Variants in RAPGEF5 observed in about 807,000 individuals in gnomAD.
RAPGEF5 encodes the protein M-Ras-regulated GEF.
RAPGEF5 carries 65 observed loss-of-function variants against 125.2 expected under a neutral mutation model. The ratio of observed to expected loss-of-function variants is 0.52; its 90% CI spans 0.43 to 0.64. The LOEUF is 0.64. Ranked by LOEUF, RAPGEF5 falls within the 30% of genes least tolerant of loss-of-function variation. The probability of loss-of-function intolerance (pLI) is 0.00; values close to 1 mark genes in which losing one functional copy is unlikely to be tolerated. For missense variants in RAPGEF5, 958 were observed against 1,048.1 expected, an observed-to-expected ratio of 0.91 and a Z score of 1.19; for synonymous variants, 391 against 385.9, an observed-to-expected ratio of 1.01 and a Z score of -0.16.
intron 1 of RAPGEF5, among the ~76,000 whole-genome samples, chr7:22,343,992 A>C (rs1016027939): frequency 2.0e-5 from 3 of 152,164 alleles, no homozygotes; most frequent in African/African-American, 7.2e-5. Context: ...TCCGATTCCA[A>C]ACCCTAGCCA....
chr7:22,200,788 A>G (rs1046623661), intron 9 of RAPGEF5, among the ~76,000 whole-genome samples: 1 of 152,186 alleles, frequency 6.6e-6, no homozygotes, highest in African/African-American at 2.4e-5. Flanking sequence ...TAACCCTAAA[A>G]CCAGAGCAAG....
At chr7:22,153,792 C>T (rs1294484122) in intron 17 of RAPGEF5, among the ~76,000 whole-genome samples, 1 of 152,016 alleles carries the variant, frequency 6.6e-6, no homozygotes, top group African/African-American at 2.4e-5. Flanking sequence ...AGATTGCAAA[C>T]CAAAAAAGGA....
intron 6 of RAPGEF5, among the ~76,000 whole-genome samples, chr7:22,274,231 C>A (rs1782505964): frequency 6.6e-6 from 1 of 152,182 alleles, no homozygotes; most frequent in African/African-American, 2.4e-5. Flanking sequence ...ATTTGCATTT[C>A]CAGCCCATAT....
At chr7:22,260,545 A>AG (rs1246411441) in intron 7 of RAPGEF5, among the ~76,000 whole-genome samples, 3 of 151,798 alleles carry the variant, frequency 2.0e-5, no homozygotes, top group Non-Finnish European at 4.4e-5. Flanking sequence ...AAAAAAAAAA[A>AG]AAGATATTAC....
At chr7:22,216,691 G>C (rs905548975) in intron 9 of RAPGEF5, among the ~76,000 whole-genome samples, 2 of 152,128 alleles carry the variant, frequency 1.3e-5, no homozygotes, top group Non-Finnish European at 2.9e-5. Context: ...CCTTCTGAAA[G>C]TCCTCCCATA....
At position 22,275,891 on chromosome 7, in the gene RAPGEF5, T is replaced by G. The variant is rs189243195; in HGVS notation, c.748-8879A>C. On this transcript the variant is annotated intron_variant, in intron 6 of 25. Transcript: ENST00000665637. The stretch of plus-strand genomic sequence containing the variant: ...TCCTGTCGTGGAAATCTCATGAATT[T>G]CATGGTACAAACAACAGAAGAAACT... Among the ~76,000 whole-genome samples, 34 of 152,306 alleles carry G rather than the reference T, an allele frequency of 2.2e-4. No individual in the cohort carries two copies. The East Asian group carries it at 6.6e-3, about 29-fold the overall frequency.
intron 6 of RAPGEF5, among the ~76,000 whole-genome samples, chr7:22,273,795 A>G (rs865952720): frequency 2.0e-5 from 3 of 152,334 alleles, no homozygotes; most frequent in Middle Eastern, 6.8e-3. Flanking sequence ...CTTAGAATGG[A>G]TAACAGTGTT....
At chr7:22,294,898 T>A (rs1471512592) in intron 5 of RAPGEF5, among the ~76,000 whole-genome samples, 1 of 152,260 alleles carries the variant, frequency 6.6e-6, no homozygotes, top group East Asian at 1.9e-4. Flanking sequence ...AATCTTTTTA[T>A]ACTTAAAAAT....
chr7:22,310,598 G>A (rs985404489), intron 3 of RAPGEF5, among the ~76,000 whole-genome samples: 1 of 152,128 alleles, frequency 6.6e-6, no homozygotes, highest in African/African-American at 2.4e-5. Context: ...TTTTTATCTA[G>A]TCCTTTTGAG....
At chr7:22,310,968 T>C (rs138058950) in intron 3 of RAPGEF5, among the ~76,000 whole-genome samples, 1 of 152,178 alleles carries the variant, frequency 6.6e-6, no homozygotes, top group African/African-American at 2.4e-5. Context: ...ACTTCTGAAG[T>C]GTTTTGTCAT....
At chr7:22,346,153 C>A (rs1784220817) in intron 1 of RAPGEF5, among the ~76,000 whole-genome samples, 1 of 152,234 alleles carries the variant, frequency 6.6e-6, no homozygotes, top group East Asian at 1.9e-4. Context: ...AGAAATAAAA[C>A]CTGATTCCCT....
intron 11 of RAPGEF5, among the ~76,000 whole-genome samples, chr7:22,177,617 C>T (rs1784549235): frequency 1.3e-5 from 2 of 152,240 alleles, no homozygotes; most frequent in African/African-American, 4.8e-5. Flanking sequence ...ACCCAACATT[C>T]CACACCTGTT....
chr7:22,195,619 A>G (rs953763342), intron 9 of RAPGEF5, among the ~76,000 whole-genome samples: 2 of 152,134 alleles, frequency 1.3e-5, no homozygotes, highest in Non-Finnish European at 2.9e-5. Flanking sequence ...ATGAATACCA[A>G]TGTGTAATTG....
chr7:22,292,215 G>A (rs111957715), intron 5 of RAPGEF5, among the ~76,000 whole-genome samples: 77 of 152,288 alleles, frequency 5.1e-4, no homozygotes, highest in African/African-American at 1.8e-3. Flanking sequence ...TATGGGGCAG[G>A]AGGGCTTCTC....
intron 5 of RAPGEF5, among the ~76,000 whole-genome samples, chr7:22,301,495 G>T (rs967617170): frequency 6.6e-6 from 1 of 151,528 alleles, no homozygotes; most frequent in Non-Finnish European, 1.5e-5. Context: ...GGCGCCTGTA[G>T]TCCCAGCTAC....
intron 17 of RAPGEF5, among the ~76,000 whole-genome samples, chr7:22,153,613 C>T (rs906941307): frequency 2.6e-4 from 40 of 152,244 alleles, no homozygotes; most frequent in African/African-American, 9.6e-4. Context: ...ATATTCATCT[C>T]CCAACTGCAG....
intron 6 of RAPGEF5, among the ~76,000 whole-genome samples, chr7:22,282,545 C>T (rs760536271): frequency 6.6e-6 from 1 of 151,996 alleles, no homozygotes; most frequent in Non-Finnish European, 1.5e-5. Flanking sequence ...TGTTTTCAAC[C>T]CACATAGATA....
At chr7:22,301,651 G>A (rs1020794440) in intron 5 of RAPGEF5, among the ~76,000 whole-genome samples, 1 of 150,554 alleles carries the variant, frequency 6.6e-6, no homozygotes, top group East Asian at 1.9e-4. Flanking sequence ...GAGTAGATAG[G>A]CCGAAAATAT....
chr7:22,175,005 A>G (rs1312901941), intron 11 of RAPGEF5, among the ~76,000 whole-genome samples: 4 of 152,172 alleles, frequency 2.6e-5, no homozygotes, highest in African/African-American at 9.6e-5. Flanking sequence ...CAGCAGTCTA[A>G]GGGAGTGGGA....
Sources: allele counts gnomAD v4.1 joint callset (sites outside exome capture counted in the v4.1 genomes callset), GRCh38; gene constraint gnomAD v4.1.1; transcripts MANE v1.5; gene names NCBI Gene and HGNC (gene_info 2026-07-23, HGNC 2026-07-21).